CTNND2: variants seen among roughly 807,000 people sequenced by gnomAD.
CTNND2 encodes catenin delta-2.
Under a neutral mutation model 144.4 loss-of-function variants are expected in CTNND2, and 22 were observed. That is an observed-to-expected ratio of 0.15 (90% CI 0.11 to 0.22). The LOEUF (loss-of-function observed/expected upper bound fraction) is 0.22. CTNND2 is among the 10% of genes least tolerant of loss of function. The pLI, the probability that CTNND2 is intolerant of heterozygous loss-of-function variation, is 1.00. For missense variants in CTNND2, 1,353 were observed against 1,618.8 expected (o/e 0.84, Z 2.82); for synonymous variants, 751 against 695.6 (o/e 1.08, Z -1.25).
intron 2 of CTNND2, among the ~76,000 whole-genome samples, chr5:11,702,967 C>T (rs111402702): frequency 4.6e-5 from 7 of 152,288 alleles, no homozygotes; most frequent in African/African-American, 1.7e-4. Context: ...CACTCAGATG[C>T]TTCAGTGTTA....
chr5:11,572,198 C>T (rs1028204316), intron 2 of CTNND2, among the ~76,000 whole-genome samples: 5 of 152,106 alleles, frequency 3.3e-5, no homozygotes, highest in African/African-American at 4.8e-5. Context: ...TGCTGAACCC[C>T]TGAGCTGGAA....
intron 1 of CTNND2, among the ~76,000 whole-genome samples, chr5:11,878,938 G>A (rs905526012): frequency 2.0e-5 from 3 of 152,162 alleles, no homozygotes; most frequent in Non-Finnish European, 4.4e-5. Context: ...TTCTGTGTCT[G>A]CAATTGCACT....
intron 9 of CTNND2, among the ~76,000 whole-genome samples, chr5:11,250,491 C>CTCTCTCTCTCTCTATATATA (rs869141186): frequency 1.4e-4 from 9 of 64,100 alleles, no homozygotes; most frequent in Admixed American, 2.3e-4. Context: ...CTCTCTCTCT[C>CTCTCTCTCTCTCTATATATA]TATATATATA....
At chr5:11,840,879 C>T (rs1003869737) in intron 1 of CTNND2, among the ~76,000 whole-genome samples, 1 of 152,150 alleles carries the variant, frequency 6.6e-6, no homozygotes, top group African/African-American at 2.4e-5. Context: ...TTTTAACGGG[C>T]ATATCTACCC....
chr5:11,823,470 C>T (rs1247180308), intron 1 of CTNND2, among the ~76,000 whole-genome samples: 4 of 152,158 alleles, frequency 2.6e-5, no homozygotes, highest in African/African-American at 9.7e-5. Flanking sequence ...CAAAAACACA[C>T]TGGTGGCCAA....
intron 16 of CTNND2, among the ~76,000 whole-genome samples, chr5:11,033,636 T>C (rs574570352): frequency 5.9e-5 from 9 of 152,076 alleles, no homozygotes; most frequent in South Asian, 4.2e-4. Flanking sequence ...CGAGACCAGC[T>C]TGGCCAACAT....
At chr5:11,038,912 T>A (rs1744379535) in intron 16 of CTNND2, among the ~76,000 whole-genome samples, 1 of 152,064 alleles carries the variant, frequency 6.6e-6, no homozygotes, top group African/African-American at 2.4e-5. Context: ...ACCAAACACC[T>A]GTGGTTAAAT....
intron 2 of CTNND2, among the ~76,000 whole-genome samples, chr5:11,637,274 G>C (rs925844965): frequency 1.3e-5 from 2 of 152,096 alleles, no homozygotes; most frequent in African/African-American, 4.8e-5. Flanking sequence ...TGAACCGTTT[G>C]GACAAAACAC....
At chr5:11,610,805 G>T (rs1394829978) in intron 2 of CTNND2, among the ~76,000 whole-genome samples, 1 of 152,142 alleles carries the variant, frequency 6.6e-6, no homozygotes, top group Non-Finnish European at 1.5e-5. Context: ...AATTGTAGCT[G>T]CATATTTGCT....
chr5:11,674,716 T>TTGGTTGGTTGG lies in CTNND2; in HGVS notation c.174+57419_174+57420insCCAACCAACCA, dbSNP rs1784079745. On this transcript the variant is annotated intron_variant, in intron 2 of 21. Coordinates refer to ENST00000304623, the MANE Select transcript of CTNND2 (RefSeq NM_001332.4). ...CATATGCAGTTTTTTTGTTTGTTTGTTTGGTTGGTTGGTTGGTTGGTTGGT... is the reference window on the plus strand; with the variant it reads ...CATATGCAGTTTTTTTGTTTGTTTGTTGGTTGGTTGGTTGGTTGGTTGGTTGGTTGGTTGGT... 3.3e-5 allele frequency among the ~76,000 whole-genome samples: 5 copies of TTGGTTGGTTGG among 151,002 alleles called. No homozygotes were observed. The East Asian group carries it at 7.8e-4, about 24-fold the overall frequency.
At chr5:11,183,013 G>GT (rs1457280510) in intron 11 of CTNND2, among the ~76,000 whole-genome samples, 2 of 152,216 alleles carry the variant, frequency 1.3e-5, no homozygotes. Context: ...ATCAGACATA[G>GT]TGTTTGCTTT....
chr5:11,528,266 A>G (rs31779), intron 3 of CTNND2, among the ~76,000 whole-genome samples: 97,469 of 151,996 alleles, frequency 0.64, 31,709 homozygotes, highest in Admixed American at 0.7. Context: ...CAGGCACAGA[A>G]GCTTTTGGAG....
chr5:11,901,157 T>C (rs545035319), intron 1 of CTNND2, among the ~76,000 whole-genome samples: 1 of 152,312 alleles, frequency 6.6e-6, no homozygotes, highest in Admixed American at 6.5e-5. Context: ...TCAAATGTAA[T>C]GTTAATGTTT....
intron 3 of CTNND2, among the ~76,000 whole-genome samples, chr5:11,459,878 T>C (rs1290356408): frequency 6.6e-6 from 1 of 152,218 alleles, no homozygotes; most frequent in African/African-American, 2.4e-5. Context: ...AGAACCTACA[T>C]TCTTCACATG....
At chr5:11,373,057 G>T (rs998320895) in intron 7 of CTNND2, among the ~76,000 whole-genome samples, 9 of 152,248 alleles carry the variant, frequency 5.9e-5, no homozygotes, top group Non-Finnish European at 1.2e-4. Flanking sequence ...GTGCTCATCA[G>T]CTTGGGCTCT....
chr5:11,142,637 A>G (rs13155380), intron 12 of CTNND2, among the ~76,000 whole-genome samples: 18,762 of 141,634 alleles, frequency 0.13, 2,019 homozygotes, highest in African/African-American at 0.31. Context: ...TGTTTGAGGC[A>G]GAGTTTCGCT....
At chr5:10,979,249 G>A (rs541353803) in intron 21 of CTNND2, among the ~76,000 whole-genome samples, 1 of 152,346 alleles carries the variant, frequency 6.6e-6, no homozygotes, top group African/African-American at 2.4e-5. Context: ...AATGAAGTTG[G>A]CATTTCTAAT....
chr5:11,388,743 C>G (rs1759330629), intron 6 of CTNND2, among the ~76,000 whole-genome samples: 1 of 152,212 alleles, frequency 6.6e-6, no homozygotes, highest in Non-Finnish European at 1.5e-5. Flanking sequence ...TTCAAGCCAG[C>G]TGCACAATCA....
At chr5:11,197,932 A>C (rs1264082964) in intron 11 of CTNND2, among the ~76,000 whole-genome samples, 1 of 152,198 alleles carries the variant, frequency 6.6e-6, no homozygotes, top group East Asian at 1.9e-4. Flanking sequence ...TTCTTTTCAA[A>C]TCATAAATGA....
Sources: gnomAD v4.1 joint callset for allele counts (sites outside exome capture counted in the v4.1 genomes callset) on GRCh38, gnomAD v4.1.1 for gene constraint, MANE v1.5 for transcripts, NCBI Gene and HGNC (gene_info 2026-07-23, HGNC 2026-07-21) for gene names.